EFHC1: variants seen among roughly 807,000 people sequenced by gnomAD.
The protein encoded by EFHC1 is EF-hand domain containing 1.
EFHC1 carries 53 observed loss-of-function variants against 69.9 expected under a neutral mutation model. The observed-to-expected ratio is 0.76, with a 90% CI of 0.61 to 0.95. The LOEUF (loss-of-function observed/expected upper bound fraction) is 0.95, where lower values mean the gene tolerates loss of function less well. Among genes scored for constraint, EFHC1 ranks in the 40% least tolerant of loss-of-function variants. The pLI is 0.00. For missense variants in EFHC1, 739 were observed against 798.7 expected (o/e 0.93, Z 0.90); for synonymous variants, 256 against 278.4 (o/e 0.92, Z 0.80).
intron 3 of EFHC1, among the ~76,000 whole-genome samples, chr6:52,439,280 T>C (rs965566672): frequency 6.6e-5 from 10 of 152,156 alleles, no homozygotes; most frequent in African/African-American, 2.4e-4. Context: ...AGCAAAGATA[T>C]AGTTTCTGAA....
rs1252469815 is a variant in EFHC1, at chr6:52,495,450, A to G, written c.*3109A>G. ...GCTTTGGGCTACTCCTTAACAAATC[A>G]TTCATGGATCGGCAGCAAATCTGCA... On this transcript the variant is annotated 3_prime_UTR_variant, in exon 11 of 11. Transcript: ENST00000371068. 2.2e-6 allele frequency: 1 copy of G among 454,104 alleles called. No homozygotes were observed. Among genetic ancestry groups the G allele is most frequent in the Non-Finnish European group, 4.4e-6 (1 of 226,786 alleles). 28.1% of individuals were successfully genotyped at this position (454,104 alleles called of 1,614,324 possible).
intron 1 of EFHC1, among the ~76,000 whole-genome samples, chr6:52,420,814 C>T (rs1166983395): frequency 6.6e-6 from 1 of 152,076 alleles, no homozygotes; most frequent in Admixed American, 6.5e-5. Flanking sequence ...CTTTAGATCA[C>T]TGTTTCCCCC....
At chr6:52,437,909 C>T (rs907515620) in intron 2 of EFHC1, among the ~76,000 whole-genome samples, 1 of 152,136 alleles carries the variant, frequency 6.6e-6, no homozygotes, top group Non-Finnish European at 1.5e-5. Context: ...GTCTGTGTAT[C>T]TCTGTCACAA....
intron 2 of EFHC1, among the ~76,000 whole-genome samples, chr6:52,433,363 G>A (rs536796844): frequency 6.6e-6 from 1 of 152,276 alleles, no homozygotes; most frequent in South Asian, 2.1e-4. Context: ...TTGTCCCACG[G>A]GGTGTTCCCT....
rs142415595 is a variant in EFHC1 at position 52,496,196 on chromosome 6, ACACACACACACC to A, written c.*3867_*3878del. 26,216 of 157,986 alleles carry A rather than the reference ACACACACACACC, an allele frequency of 0.17. 2,448 individuals are homozygous for A. Among genetic ancestry groups the A allele is most frequent in the Non-Finnish European group, 0.2 (14,588 of 71,172 alleles). 9.8% of individuals were successfully genotyped at this position (157,986 alleles called of 1,614,324 possible). A position where few individuals can be genotyped will look rare whatever the true frequency, so the allele number is the denominator to read the frequency against. On this transcript the variant is annotated 3_prime_UTR_variant, in exon 11 of 11. Coordinates refer to ENST00000371068, the MANE Select transcript of EFHC1 (RefSeq NM_018100.4). ...CACCAGGGAGTTGAAAGATTCTAAT[ACACACACACACC>A]CACACACACACACACACAAAGAGAG...
chr6:52,447,845 C>G (rs1274035819), intron 3 of EFHC1, among the ~76,000 whole-genome samples: 1 of 152,188 alleles, frequency 6.6e-6, no homozygotes, highest in Non-Finnish European at 1.5e-5. Context: ...CACTTCAGAC[C>G]CTGTTTGCCT....
At chr6:52,443,603 T>G (rs1764713782) in intron 3 of EFHC1, among the ~76,000 whole-genome samples, 1 of 152,304 alleles carries the variant, frequency 6.6e-6, no homozygotes, top group South Asian at 2.1e-4. Context: ...GTTGTAGATG[T>G]GTGGTATTAT....
chr6:52,444,867 C>A (rs1764744975), intron 3 of EFHC1, among the ~76,000 whole-genome samples: 1 of 152,166 alleles, frequency 6.6e-6, no homozygotes, highest in Admixed American at 6.5e-5. Flanking sequence ...AAGAATGGTA[C>A]TAGCTCCTCT....
At chr6:52,453,269 A>C (rs1303069577) in intron 4 of EFHC1, 1 of 1,287,926 alleles carries the variant, frequency 7.8e-7, no homozygotes, top group Non-Finnish European at 1.0e-6. Context: ...ATTTCACAGA[A>C]GCCCCACTAC....
At chr6:52,440,305 C>T (rs531218537) in intron 3 of EFHC1, among the ~76,000 whole-genome samples, 36 of 152,174 alleles carry the variant, frequency 2.4e-4, no homozygotes, top group African/African-American at 8.4e-4. Context: ...CCCAACAGCA[C>T]TATAACTCAC....
At chr6:52,425,130 G>C (rs943444785) in intron 2 of EFHC1, among the ~76,000 whole-genome samples, 1 of 152,272 alleles carries the variant, frequency 6.6e-6, no homozygotes, top group South Asian at 2.1e-4. Context: ...CTCTCAACTA[G>C]AATCTGTATC....
intron 9 of EFHC1, chr6:52,484,598 T>C (rs1765748810): frequency 6.6e-6 from 1 of 152,190 alleles, no homozygotes; most frequent in Non-Finnish European, 1.5e-5. Context: ...TGTGCACTTA[T>C]GGGAAAACAA....
chr6:52,448,639 A>G (rs1334374220), intron 3 of EFHC1, among the ~76,000 whole-genome samples: 4 of 152,190 alleles, frequency 2.6e-5, no homozygotes, highest in Non-Finnish European at 4.4e-5. Flanking sequence ...TGCGTTGCTC[A>G]TGCTGGGAGC....
intron 8 of EFHC1, 22 bp from the exon 9 acceptor site, chr6:52,479,618 T>C (rs1264897497): frequency 1.9e-6 from 3 of 1,614,198 alleles, no homozygotes; most frequent in African/African-American, 2.7e-5. Flanking sequence ...CCAAGCTAAG[T>C]GTGTTGCTAC....
Position 52,479,800 on chromosome 6 carries a change from T to C in EFHC1, c.1640+13T>C, listed in dbSNP as rs753076154. The C allele has an allele frequency of 6.2e-7, 1 of 1,613,616 alleles. No homozygotes were observed. The highest frequency in any genetic ancestry group is 8.5e-7 in the Non-Finnish European group (1 of 1,179,970). On this transcript the variant is annotated intron_variant, in intron 9 of 10. Coordinates refer to ENST00000371068, the MANE Select transcript of EFHC1 (RefSeq NM_018100.4). Reference sequence around the variant, plus strand: ...CAGAAGCAGAAAGGTGTGTGTTTGATTGCTAGGGTTTGGCACACTCAAGAT... The same window carrying C: ...CAGAAGCAGAAAGGTGTGTGTTTGACTGCTAGGGTTTGGCACACTCAAGAT...
At chr6:52,457,627 G>T (rs1489696541) in intron 5 of EFHC1, among the ~76,000 whole-genome samples, 1 of 152,120 alleles carries the variant, frequency 6.6e-6, no homozygotes, top group African/African-American at 2.4e-5. Context: ...TTCGTCAAGG[G>T]CAATTGCATA....
intron 2 of EFHC1, among the ~76,000 whole-genome samples, chr6:52,429,134 C>T (rs1764364617): frequency 6.6e-6 from 1 of 152,084 alleles, no homozygotes. Flanking sequence ...TTTTCCCACT[C>T]TGTGGGTTGT....
At chr6:52,460,775 A>G (rs935226762) in intron 5 of EFHC1, among the ~76,000 whole-genome samples, 3 of 152,230 alleles carry the variant, frequency 2.0e-5, no homozygotes, top group African/African-American at 7.2e-5. Flanking sequence ...TCAGGAAGAC[A>G]GTGAAATACA....
intron 9 of EFHC1, chr6:52,489,530 G>C (rs1014194851): frequency 4.6e-5 from 7 of 153,506 alleles, no homozygotes; most frequent in African/African-American, 1.7e-4. Flanking sequence ...TTTTTTGAAG[G>C]GTTAGACCTC....
Sources: allele counts gnomAD v4.1 joint callset (sites outside exome capture counted in the v4.1 genomes callset), GRCh38; gene constraint gnomAD v4.1.1; transcripts MANE v1.5; gene names NCBI Gene and HGNC (gene_info 2026-07-23, HGNC 2026-07-21).